Variants in C1orf174 observed in about 807,000 individuals in gnomAD.
C1orf174 encodes chromosome 1 open reading frame 174.
In C1orf174, 13 loss-of-function variants were observed where a neutral mutation model predicts 18.4. The ratio of observed to expected loss-of-function variants is 0.71; its 90% CI spans 0.46 to 1.12. The LOEUF is 1.12. Among genes scored for constraint, C1orf174 ranks in the 50% most tolerant of loss-of-function variants. The pLI is 0.00. For missense variants in C1orf174, 309 were observed against 308.0 expected (o/e 1.00, Z -0.02); for synonymous variants, 100 against 118.3 (o/e 0.85, Z 1.01).
chr1:3,900,238 C>T lies in C1orf174; in HGVS notation c.-52G>A, dbSNP rs757038396. ...GCGCGCCCCGGCCAACGCGTCCCGG[C>T]GGAGCGGCGACCCGGAGTCTGCAGA... On this transcript the variant is annotated 5_prime_UTR_variant, in exon 1 of 4. Transcript: ENST00000361605. 5 of 1,523,006 alleles carry T rather than the reference C, an allele frequency of 3.3e-6. No individual in the cohort carries two copies. In the South Asian group the frequency reaches 6.1e-5, roughly 18 times the overall value. The allele number at this position is 1,523,006 out of a possible 1,614,324, so 94.3% of individuals were successfully genotyped here.
intron 1 of C1orf174, among the ~76,000 whole-genome samples, chr1:3,894,069 G>A (rs142409073): frequency 5.3e-5 from 8 of 152,250 alleles, no homozygotes; most frequent in East Asian, 3.9e-4. Flanking sequence ...TCCATGAACC[G>A]TTTTTCTGTT....
chr1:3,899,063 AAT>A (rs990122830), intron 1 of C1orf174, among the ~76,000 whole-genome samples: 4 of 152,236 alleles, frequency 2.6e-5, no homozygotes, highest in African/African-American at 7.2e-5. Flanking sequence ...GTGGAAAAAA[AAT>A]CATTAAATTA....
chr1:3,894,108 C>G (rs1256771272), intron 1 of C1orf174, among the ~76,000 whole-genome samples: 1 of 152,074 alleles, frequency 6.6e-6, no homozygotes, highest in Non-Finnish European at 1.5e-5. Flanking sequence ...TACCACACTG[C>G]ACTTAGAAAA....
rs375734586 is a variant in C1orf174 at position 3,900,215 on chromosome 1, G to T, written c.-29C>A. ...TGTGAGCACCGCAGCCAAGCACCGC[G>T]CGCCCCGGCCAACGCGTCCCGGCGG... On this transcript the variant is annotated 5_prime_UTR_variant, in exon 1 of 4. Coordinates refer to ENST00000361605, the MANE Select transcript of C1orf174 (RefSeq NM_207356.3). 6.4e-7 allele frequency: 1 copy of T among 1,564,918 alleles called. No homozygotes were observed. Among genetic ancestry groups the T allele is most frequent in the Admixed American group, 1.8e-5 (1 of 54,500 alleles).
rs1354284942 is a variant in C1orf174, at chr1:3,891,007, T to A, written c.180A>T (p.Lys60Asn). The change falls in exon 3 of 4, where the codon AAA becomes AAT. Residue 60 changes from lysine to asparagine, a missense_variant. Lys to Asn is a moderately conservative substitution (Grantham distance 94). Transcript: ENST00000361605. ...ACTTCACAAGATGTCCTTTGTCACA[T>A]TTGAACTTCTTGGACGTTCGCGTGT... ...ATDTRTSKKF[K>N]CDKGHLVKSE... 6.2e-7 allele frequency: 1 copy of A among 1,614,070 alleles called. No individual in the cohort carries two copies. The highest frequency in any genetic ancestry group is 1.7e-5 in the Admixed American group (1 of 60,020).
intron 2 of C1orf174, 38 bp downstream of exon 2, chr1:3,892,845 G>A: frequency 6.2e-7 from 1 of 1,607,244 alleles, no homozygotes; most frequent in Non-Finnish European, 8.5e-7. Context: ...GGACCCTCGA[G>A]TCAGGATCTT....
At position 3,899,836 on chromosome 1, in the gene C1orf174, T is replaced by A. The variant is rs552402615; in HGVS notation, c.15+336A>T. On this transcript the variant is annotated intron_variant, in intron 1 of 3. Coordinates refer to ENST00000361605, the MANE Select transcript of C1orf174 (RefSeq NM_207356.3). ...CCCCCCTTCTCCCGCGGGCATGGCC[T>A]GGGAGCTCCCCTTCTCTCGGGGGTG... 4.7e-5 allele frequency among the ~76,000 whole-genome samples: 7 copies of A among 147,788 alleles called. No homozygotes were observed. In the South Asian group the frequency reaches 1.5e-3, roughly 32 times the overall value.
chr1:3,895,375 A>G (rs1638588284), intron 1 of C1orf174: 1 of 152,276 alleles, frequency 6.6e-6, no homozygotes, highest in Non-Finnish European at 1.5e-5. Flanking sequence ...CTACGCCTGC[A>G]CGTCTTTTCC....
chr1:3,890,099 C>T, intron 3 of C1orf174, 26 bp from the exon 4 acceptor site: 1 of 1,556,308 alleles, frequency 6.4e-7, no homozygotes, highest in South Asian at 1.1e-5. Flanking sequence ...AACATGACTT[C>T]AGTCATGAGC....
chr1:3,899,214 T>C (rs899817199), intron 1 of C1orf174, among the ~76,000 whole-genome samples: 11 of 152,238 alleles, frequency 7.2e-5, no homozygotes, highest in African/African-American at 2.4e-4. Flanking sequence ...ATATTAAATG[T>C]GCATGGGCTA....
chr1:3,895,811 T>C (rs977990940), intron 1 of C1orf174: 8 of 152,228 alleles, frequency 5.3e-5, no homozygotes, highest in Non-Finnish European at 8.8e-5. Flanking sequence ...ATTCTCCTCA[T>C]TCCAGTAGAT....
chr1:3,890,172 G>T, intron 3 of C1orf174, 99 bp from the exon 4 acceptor site: 2 of 920,542 alleles, frequency 2.2e-6, no homozygotes, highest in African/African-American at 1.7e-5. Context: ...CTCGCAGAGC[G>T]CTCTTCCCTT....
At chr1:3,893,622 T>G (rs1047166273) in intron 1 of C1orf174, among the ~76,000 whole-genome samples, 1 of 152,230 alleles carries the variant, frequency 6.6e-6, no homozygotes, top group East Asian at 1.9e-4. Context: ...GAAACTGGTG[T>G]GATAGCTCAC....
At chr1:3,894,451 C>A (rs1021124642) in intron 1 of C1orf174, among the ~76,000 whole-genome samples, 3 of 151,278 alleles carry the variant, frequency 2.0e-5, no homozygotes, top group Admixed American at 6.6e-5. Context: ...ACTAAAAATA[C>A]AAAAAATTAG....
At position 3,890,093 on chromosome 1, in the gene C1orf174, T is replaced by C. The variant is rs1433252303; in HGVS notation, c.619-20A>G. The C allele has an allele frequency of 3.1e-6, 5 of 1,595,786 alleles. No homozygotes were observed. Among genetic ancestry groups the C allele is most frequent in the Non-Finnish European group, 4.3e-6 (5 of 1,163,316 alleles). On this transcript the variant is annotated intron_variant, in intron 3 of 3. Coordinates refer to ENST00000361605, the MANE Select transcript of C1orf174 (RefSeq NM_207356.3). ...GAGGTCCTTAGTGGAGAAGAAAACA[T>C]GACTTCAGTCATGAGCAATACATAT...
intron 2 of C1orf174, chr1:3,892,671 C>G: frequency 7.2e-7 from 1 of 1,392,892 alleles, no homozygotes; most frequent in Non-Finnish European, 9.4e-7. Flanking sequence ...CACGGGTGGG[C>G]GGGTGCTAGG....
intron 1 of C1orf174, chr1:3,896,080 A>T (rs1384612123): frequency 2.6e-5 from 4 of 152,868 alleles, no homozygotes; most frequent in Non-Finnish European, 5.9e-5. Flanking sequence ...ATCCTGCTGC[A>T]GCCAAGAACA....
chr1:3,899,919 G>A (rs1382589785), intron 1 of C1orf174, among the ~76,000 whole-genome samples: 1 of 151,932 alleles, frequency 6.6e-6, no homozygotes, highest in Admixed American at 6.5e-5. Flanking sequence ...TTCTCCCGGG[G>A]ACGTGACCTG....
rs61737469 is a variant in C1orf174 at position 3,889,984 on chromosome 1, G to T, written c.708C>A (p.Asp236Glu). The T allele has an allele frequency of 3.7e-6, 6 of 1,613,834 alleles. No individual in the cohort carries two copies. In the East Asian group the frequency reaches 1.3e-4, roughly 36 times the overall value. The change falls in exon 4 of 4, where the codon GAC (aspartate) becomes GAA (glutamate). Residue 236 changes from aspartate (D) to glutamate (E), a missense_variant. Physicochemically the swap from Asp to Glu is conservative, Grantham distance 45 (BLOSUM62 2). Coordinates refer to ENST00000361605, the MANE Select transcript of C1orf174 (RefSeq NM_207356.3). ...MHFRAKDDDD[D>E]DDDDAEM ...CCTACATTTCTGCATCATCGTCGTC[G>T]TCATCATCATCATCTTTGGCTCTGA...
Sources: allele counts gnomAD v4.1 joint callset (sites outside exome capture counted in the v4.1 genomes callset), GRCh38; gene constraint gnomAD v4.1.1; transcripts MANE v1.5; gene names NCBI Gene and HGNC (gene_info 2026-07-23, HGNC 2026-07-21).